The following ADGRV1 variants were observed in gnomAD, a reference collection of about 807,000 sequenced individuals.
ADGRV1 encodes G-protein coupled receptor 98.
In ADGRV1, 359 loss-of-function variants were observed where a neutral mutation model predicts 596.2. The observed-to-expected ratio is 0.60, with a 90% CI of 0.55 to 0.66. The LOEUF is 0.66. Among genes scored for constraint, ADGRV1 ranks in the 30% least tolerant of loss-of-function variants. The pLI, the probability that ADGRV1 is intolerant of heterozygous loss-of-function variation, is 0.00. For synonymous variants in ADGRV1, 2,681 were observed against 2,679.2 expected (o/e 1.00, Z -0.02); for missense variants, 7,274 against 7,575.6 (o/e 0.96, Z 1.48).
intron 8 of ADGRV1, 23 bp from the exon 9 acceptor site, chr5:90,629,187 A>G: frequency 7.3e-7 from 1 of 1,376,426 alleles, no homozygotes; most frequent in Non-Finnish European, 9.8e-7. Flanking sequence ...TCTGTACTTT[A>G]ATATTTTATT....
At chr5:90,703,638 T>C in intron 34 of ADGRV1, 27 bp from the exon 35 acceptor site, 1 of 1,534,914 alleles carries the variant, frequency 6.5e-7, no homozygotes. Flanking sequence ...CATTAAGTAT[T>C]TATCAATTTA....
chr5:91,060,999 C>T (rs1787384992), intron 85 of ADGRV1, among the ~76,000 whole-genome samples: 1 of 152,156 alleles, frequency 6.6e-6, no homozygotes, highest in African/African-American at 2.4e-5. Context: ...CCAAGAGTGA[C>T]ACTCATTGGG....
intron 83 of ADGRV1, among the ~76,000 whole-genome samples, chr5:90,881,767 C>T (rs1194075909): frequency 6.6e-6 from 1 of 152,122 alleles, no homozygotes; most frequent in Non-Finnish European, 1.5e-5. Flanking sequence ...CTCTATTGGT[C>T]AGGCTGGAGT....
At chr5:90,689,700 G>A (rs1746208505) in intron 29 of ADGRV1, among the ~76,000 whole-genome samples, 161 bp from the exon 30 acceptor site, 1 of 151,974 alleles carries the variant, frequency 6.6e-6, no homozygotes, top group Non-Finnish European at 1.5e-5. Context: ...TCTACTGAGA[G>A]GCATAAAAGT....
At chr5:90,602,452 AT>A (rs1460451889) in intron 1 of ADGRV1, among the ~76,000 whole-genome samples, 2 of 152,190 alleles carry the variant, frequency 1.3e-5, no homozygotes, top group East Asian at 3.9e-4. Context: ...TGTTGATAGT[AT>A]GTACCTTTTG....
At chr5:90,999,290 AT>A (rs1247525703) in intron 85 of ADGRV1, among the ~76,000 whole-genome samples, 1 of 151,976 alleles carries the variant, frequency 6.6e-6, no homozygotes, top group Non-Finnish European at 1.5e-5. Flanking sequence ...TATTTTAAAT[AT>A]TTTGTGTGCT....
intron 88 of ADGRV1, among the ~76,000 whole-genome samples, chr5:91,152,177 G>T (rs560885405): frequency 1.3e-5 from 2 of 152,178 alleles, no homozygotes; most frequent in Non-Finnish European, 2.9e-5. Context: ...GTGAAGTGCC[G>T]TCAGAGACAT....
intron 5 of ADGRV1, among the ~76,000 whole-genome samples, chr5:90,623,622 A>G (rs1764370935): frequency 1.3e-5 from 2 of 152,198 alleles, no homozygotes; most frequent in South Asian, 2.1e-4. Context: ...TATGTTGCCC[A>G]GGCTGGTTTT....
intron 58 of ADGRV1, among the ~76,000 whole-genome samples, chr5:90,760,270 C>T (rs1159459419): frequency 4.5e-5 from 6 of 133,474 alleles, no homozygotes; most frequent in South Asian, 2.5e-4. Flanking sequence ...AGTGAGACTT[C>T]GTCTCAAAAA....
intron 83 of ADGRV1, among the ~76,000 whole-genome samples, chr5:90,878,304 C>G (rs1016843227): frequency 3.9e-5 from 6 of 152,172 alleles, no homozygotes; most frequent in Admixed American, 3.3e-4. Flanking sequence ...TTGGAGTTTA[C>G]AAGTGGCTGC....
intron 87 of ADGRV1, among the ~76,000 whole-genome samples, chr5:91,127,315 A>C (rs1793843259): frequency 6.6e-6 from 1 of 152,154 alleles, no homozygotes. Flanking sequence ...TGATGTGGGC[A>C]GATTGCTTGA....
intron 84 of ADGRV1, among the ~76,000 whole-genome samples, chr5:90,976,641 G>A (rs959086505): frequency 1.3e-5 from 2 of 151,884 alleles, no homozygotes; most frequent in African/African-American, 2.4e-5. Context: ...CAAAGCATGA[G>A]GTAAATAAAT....
intron 85 of ADGRV1, among the ~76,000 whole-genome samples, chr5:90,987,979 A>G (rs990735473): frequency 2.6e-5 from 4 of 152,202 alleles, no homozygotes; most frequent in Middle Eastern, 3.4e-3. Flanking sequence ...ATTGCCAGAT[A>G]ATTCGCTGGC....
At chr5:90,684,894 CG>C (rs745706091) in intron 28 of ADGRV1, among the ~76,000 whole-genome samples, 1 of 152,062 alleles carries the variant, frequency 6.6e-6, no homozygotes, top group Non-Finnish European at 1.5e-5. Flanking sequence ...GAAGGCGAAG[CG>C]GTTAAAGAGG....
rs76851448 is a variant in ADGRV1 at position 90,930,763 on chromosome 5, T to C, written c.17857-34652T>C. ...GTAAATAACTTACATGAGGAAATAT[T>C]GTGGTTTCATGTTCGGTAACAATAA... On this transcript the variant is annotated intron_variant, in intron 83 of 89. Transcript: ENST00000405460. Among the ~76,000 whole-genome samples the C allele has an allele frequency of 5.5e-3, 834 of 152,272 alleles. 21 individuals are homozygous for C. The East Asian group carries it at 0.077, about 14-fold the overall frequency.
At chr5:90,815,931 G>C (rs1762849119) in intron 75 of ADGRV1, among the ~76,000 whole-genome samples, 195 bp downstream of exon 75, 1 of 152,124 alleles carries the variant, frequency 6.6e-6, no homozygotes, top group South Asian at 2.1e-4. Context: ...GTTACCTTGA[G>C]TGTTTTCTAC....
chr5:90,821,104 T>C (rs1272517170), intron 75 of ADGRV1, among the ~76,000 whole-genome samples: 2 of 152,174 alleles, frequency 1.3e-5, no homozygotes, highest in Non-Finnish European at 2.9e-5. Context: ...TCTTGGAGGC[T>C]TTGCTCATTT....
At chr5:91,104,245 G>T (rs1450342025) in intron 87 of ADGRV1, among the ~76,000 whole-genome samples, 2 of 152,058 alleles carry the variant, frequency 1.3e-5, no homozygotes, top group Non-Finnish European at 2.9e-5. Flanking sequence ...AGTGTGCCTG[G>T]GAATAAAAAG....
At chr5:90,642,166 T>G (rs1767049059) in intron 11 of ADGRV1, among the ~76,000 whole-genome samples, 1 of 152,208 alleles carries the variant, frequency 6.6e-6, no homozygotes, top group African/African-American at 2.4e-5. Context: ...TATCCAGCTA[T>G]TATGTGCTCT....
Sources: allele counts gnomAD v4.1 joint callset (sites outside exome capture counted in the v4.1 genomes callset), GRCh38; gene constraint gnomAD v4.1.1; transcripts MANE v1.5; gene names NCBI Gene and HGNC (gene_info 2026-07-23, HGNC 2026-07-21).